ADAMTS17: variants seen among roughly 807,000 people sequenced by gnomAD.
ADAMTS17 encodes A disintegrin and metalloproteinase with thrombospondin motifs 17.
A neutral mutation model predicts 141.5 loss-of-function variants in ADAMTS17; 113 were observed. The observed-to-expected ratio is 0.80, with a 90% CI of 0.69 to 0.93. ADAMTS17 has a LOEUF of 0.93. Among genes scored for constraint, ADAMTS17 ranks in the 40% least tolerant of loss-of-function variants. The pLI is 0.00. For synonymous variants in ADAMTS17, 768 were observed against 630.6 expected, an observed-to-expected ratio of 1.22 and a Z score of -3.27; for missense variants, 1,659 against 1,517.9, an observed-to-expected ratio of 1.09 and a Z score of -1.54.
chr15:100,281,270 C>A lies in ADAMTS17; in HGVS notation c.748G>T (p.Ala250Ser). 1 of 1,607,734 alleles carries A rather than the reference C, an allele frequency of 6.2e-7. No homozygotes were observed. Among genetic ancestry groups the A allele is most frequent in the Non-Finnish European group, 8.5e-7 (1 of 1,179,982 alleles). Residue 250 changes from alanine (A) to serine (S), a missense_variant, in exon 4 of 22, where the codon GCC becomes TCC. Ala to Ser is a moderately conservative substitution (Grantham distance 99). Transcript: ENST00000268070. Reference sequence around the variant, plus strand: ...AGGATGAACCTCTGGGCGGCCTCGGCCCCGTGGTACTGCACCATGTCGGCG... The same window carrying A: ...AGGATGAACCTCTGGGCGGCCTCGGACCCGTGGTACTGCACCATGTCGGCG... ...ADADMVQYHG[A>S]EAAQRFILTV...
chr15:99,991,805 A>C (rs548520538), intron 20 of ADAMTS17, among the ~76,000 whole-genome samples: 75 of 152,358 alleles, frequency 4.9e-4, no homozygotes, highest in African/African-American at 1.7e-3. Flanking sequence ...GGATAAAGAA[A>C]ATGTGGCACA....
intron 2 of ADAMTS17, among the ~76,000 whole-genome samples, chr15:100,335,770 A>G (rs1033087017): frequency 3.3e-5 from 5 of 152,230 alleles, no homozygotes; most frequent in Non-Finnish European, 7.3e-5. Flanking sequence ...TTGCAGGGCT[A>G]TGTTATTTAC....
intron 15 of ADAMTS17, among the ~76,000 whole-genome samples, chr15:100,086,228 C>G (rs1299603683): frequency 6.6e-6 from 1 of 151,984 alleles, no homozygotes; most frequent in Non-Finnish European, 1.5e-5. Context: ...TTTAAACCAA[C>G]AAAGATTAAA....
intron 7 of ADAMTS17, among the ~76,000 whole-genome samples, chr15:100,203,652 C>T (rs1416414666): frequency 6.6e-6 from 1 of 152,170 alleles, no homozygotes; most frequent in Non-Finnish European, 1.5e-5. Context: ...TTGCAGTGAG[C>T]CGAGATCGCG....
chr15:100,185,868 G>T (rs2040697330), intron 8 of ADAMTS17, among the ~76,000 whole-genome samples: 1 of 152,174 alleles, frequency 6.6e-6, no homozygotes. Context: ...CAAGCCTCCT[G>T]GTGCCACTTA....
chr15:100,279,227 T>C (rs1253826961), intron 4 of ADAMTS17, among the ~76,000 whole-genome samples: 2 of 152,170 alleles, frequency 1.3e-5, no homozygotes, highest in Non-Finnish European at 2.9e-5. Context: ...CCCTCTGCTA[T>C]CCTACCCGCA....
intron 2 of ADAMTS17, among the ~76,000 whole-genome samples, chr15:100,337,329 A>G (rs372096733): frequency 6.6e-6 from 1 of 152,250 alleles, no homozygotes; most frequent in East Asian, 1.9e-4. Context: ...CGTGGTCTGC[A>G]GTCAGGCTGA....
intron 3 of ADAMTS17, chr15:100,306,115 G>A (rs1037219420): frequency 1.0e-5 from 2 of 193,024 alleles, no homozygotes; most frequent in Non-Finnish European, 2.2e-5. Flanking sequence ...TCCTCGAGCT[G>A]TCTCTGATCC....
chr15:100,261,578 T>A lies in ADAMTS17; in HGVS notation c.932A>T (p.Gln311Leu). 1 of 1,614,158 alleles carries A rather than the reference T, an allele frequency of 6.2e-7. No homozygotes were observed. The highest frequency in any genetic ancestry group is 8.5e-7 in the Non-Finnish European group (1 of 1,180,022). ...ERSLESFCHW[Q>L]NEEYGGARYL... is the part of the protein sequence containing the mutation. ...TCGCGCTCCTCCATACTCCTCGTTC[T>A]GCCAGTGACAGAAGCTCTCCAGGGA... is the stretch of plus-strand genomic sequence containing the variant. The change falls in exon 6 of 22, where the codon CAG (glutamine) becomes CTG (leucine). Residue 311 changes from glutamine to leucine, a missense_variant. Coordinates refer to ENST00000268070, the MANE Select transcript of ADAMTS17 (RefSeq NM_139057.4).
At chr15:100,043,065 C>A (rs903973104) in intron 18 of ADAMTS17, among the ~76,000 whole-genome samples, 1 of 152,196 alleles carries the variant, frequency 6.6e-6, no homozygotes, top group Admixed American at 6.5e-5. Context: ...TCAGATCATA[C>A]ATTTCTTTAG....
chr15:100,074,069 T>G (rs2034189564), intron 15 of ADAMTS17: 1 of 152,802 alleles, frequency 6.5e-6, no homozygotes, highest in African/African-American at 2.4e-5. Context: ...TTTACTCTTT[T>G]GAACTGTTTA....
In ADAMTS17 at chr15:100,341,952, C is replaced by T. The variant is rs1030786357; in HGVS notation, c.-53G>A. ...ACCGTGGCGGCGAAGCAGGAGCGCG[C>T]TAGGCGGCGGCGCCAGCCGGAGTGA... On this transcript the variant is annotated 5_prime_UTR_variant, in exon 1 of 22. Transcript: ENST00000268070. 8 of 1,544,354 alleles carry T rather than the reference C, an allele frequency of 5.2e-6. No individual in the cohort carries two copies. The highest frequency in any genetic ancestry group is 1.4e-5 in the African/African-American group (1 of 73,054).
chr15:100,292,676 T>C (rs1352799754), intron 3 of ADAMTS17, among the ~76,000 whole-genome samples: 3 of 152,238 alleles, frequency 2.0e-5, no homozygotes, highest in African/African-American at 7.2e-5. Context: ...ATTCTACAGA[T>C]GTGCAAACTG....
At chr15:100,090,117 A>T (rs1846970185) in intron 15 of ADAMTS17, among the ~76,000 whole-genome samples, 1 of 152,236 alleles carries the variant, frequency 6.6e-6, no homozygotes, top group African/African-American at 2.4e-5. Context: ...TTGTGGCACA[A>T]AATATTCTAC....
intron 10 of ADAMTS17, among the ~76,000 whole-genome samples, chr15:100,139,622 T>G (rs1383903903): frequency 6.6e-6 from 1 of 152,240 alleles, no homozygotes; most frequent in Non-Finnish European, 1.5e-5. Flanking sequence ...AGGTAACAGC[T>G]TAGCTAGGTG....
intron 8 of ADAMTS17, among the ~76,000 whole-genome samples, chr15:100,195,272 G>A (rs1052500943): frequency 3.9e-5 from 6 of 152,210 alleles, no homozygotes; most frequent in Admixed American, 1.3e-4. Context: ...CCCCCAGCTC[G>A]TGTCCGCAGC....
intron 14 of ADAMTS17, among the ~76,000 whole-genome samples, chr15:100,102,616 C>T (rs1157015087): frequency 6.6e-6 from 1 of 152,124 alleles, no homozygotes; most frequent in East Asian, 1.9e-4. Context: ...TGAAGGCCGA[C>T]TGAAAGGGAT....
At chr15:100,171,413 C>G (rs1387590416) in intron 8 of ADAMTS17, among the ~76,000 whole-genome samples, 1 of 152,176 alleles carries the variant, frequency 6.6e-6, no homozygotes, top group Non-Finnish European at 1.5e-5. Context: ...TCCATCCCAC[C>G]TCGCAGGGCT....
chr15:100,151,050 G>A (rs894803373), intron 10 of ADAMTS17, among the ~76,000 whole-genome samples: 2 of 152,218 alleles, frequency 1.3e-5, no homozygotes, highest in East Asian at 1.9e-4. Context: ...TTTGGGCACC[G>A]CTGCAGGATG....
Sources: gnomAD v4.1 joint callset for allele counts (sites outside exome capture counted in the v4.1 genomes callset) on GRCh38, gnomAD v4.1.1 for gene constraint, MANE v1.5 for transcripts, NCBI Gene and HGNC (gene_info 2026-07-23, HGNC 2026-07-21) for gene names.